Variants in CEP72 observed in about 807,000 individuals in gnomAD.
The protein encoded by CEP72 is centrosomal protein of 72 kDa.
A neutral mutation model predicts 65.7 loss-of-function variants in CEP72; 78 were observed. The ratio of observed to expected loss-of-function variants is 1.19; its 90% CI spans 0.99 to 1.43. The LOEUF (loss-of-function observed/expected upper bound fraction) is 1.43. CEP72 is among the 40% of genes most tolerant of loss of function. The pLI, the probability that CEP72 is intolerant of heterozygous loss-of-function variation, is 0.00. For synonymous variants in CEP72, 358 were observed against 351.7 expected (o/e 1.02, Z -0.20); for missense variants, 914 against 832.9 (o/e 1.10, Z -1.20).
At chr5:620,324 C>T (rs933575293) in intron 3 of CEP72, 63 bp downstream of exon 3, 63 of 1,400,732 alleles carry the variant, frequency 4.5e-5, no homozygotes, top group African/African-American at 2.8e-5. Context: ...GTCGGGGAGT[C>T]GTAGTGGGTG....
At chr5:655,891 T>G (rs1220961450), downstream of CEP72, among the ~76,000 whole-genome samples, 2 of 152,234 alleles carry the variant, frequency 1.3e-5, no homozygotes, top group African/African-American at 4.8e-5. The surrounding 1 kb of genome is among the most constrained non-coding windows in gnomAD (Gnocchi z 5.0). Flanking sequence ...TTCAATGGTG[T>G]CTTTTAAGAG....
chr5:619,053 C>G lies in CEP72; in HGVS notation c.146C>G (p.Ser49Cys), dbSNP rs1736200579. 1.2e-6 allele frequency: 2 copies of G among 1,613,438 alleles called. No individual in the cohort carries two copies. The highest frequency in any genetic ancestry group is 1.7e-6 in the Non-Finnish European group (2 of 1,179,326). Residue 49 changes from serine to cysteine, a missense_variant, in exon 2 of 12, where the codon TCT becomes TGT. By Grantham distance (112) the Ser-to-Cys change is moderately radical. Coordinates refer to ENST00000264935, the MANE Select transcript of CEP72 (RefSeq NM_018140.4). ...YQEKITHLGH[S>C]LMSLTGLKSL... The stretch of plus-strand genomic sequence containing the variant: ...GAGAAGATCACCCACCTGGGACATT[C>G]TCTGATGAGTTTAACAGGTCTGAAA...
the CEP72 span, chr5:675,984 C>CG: frequency 6.6e-6 from 1 of 152,088 alleles, no homozygotes; most frequent in Non-Finnish European, 1.5e-5. Context: ...AGCTCGCACC[C>CG]GGGGCCCTGG....
At chr5:643,796 C>T (rs1009087444) in intron 9 of CEP72, 73 of 285,626 alleles carry the variant, frequency 2.6e-4, no homozygotes, top group African/African-American at 1.6e-3. Context: ...GGCCCTTTCC[C>T]CTCCTCGATG....
chr5:665,141 G>C, intron 2 of CEP72: 1 of 1,612,946 alleles, frequency 6.2e-7, no homozygotes, highest in Non-Finnish European at 8.5e-7. Flanking sequence ...AGGTGCCTGC[G>C]TGCTTGTAGC....
chr5:671,562 G>A (rs762221564), downstream of CEP72, among the ~76,000 whole-genome samples: 21 of 152,230 alleles, frequency 1.4e-4, no homozygotes, highest in Non-Finnish European at 5.9e-5. Context: ...CTGGCCAAGC[G>A]CAGGAGACGG....
chr5:668,350 CGGA>C (rs1561082126), downstream of CEP72, among the ~76,000 whole-genome samples: 55 of 109,222 alleles, frequency 5.0e-4, 6 homozygotes, highest in African/African-American at 2.1e-3. Context: ...CAGGGAAGTG[CGGA>C]CAAGCACACT....
At chr5:668,769 A>C (rs1008577532), downstream of CEP72, among the ~76,000 whole-genome samples, 15 of 152,220 alleles carry the variant, frequency 9.9e-5, no homozygotes, top group African/African-American at 3.1e-4. Context: ...ACCAAACCCC[A>C]AACAATCCAG....
intron 9 of CEP72, chr5:643,461 G>A (rs559151708): frequency 4.0e-5 from 39 of 985,324 alleles, no homozygotes; most frequent in African/African-American, 7.0e-5. Flanking sequence ...CACCATGGGC[G>A]TCGGGGGCCT....
chr5:640,492 C>A lies in CEP72; in HGVS notation c.1427C>A (p.Ser476Tyr). 6.2e-7 allele frequency: 1 copy of A among 1,614,152 alleles called. No homozygotes were observed. The highest frequency in any genetic ancestry group is 2.2e-5 in the East Asian group (1 of 44,870). ...GCGATGGTGGGTGAAGATGTCGGCTCCCTGGCTCTGGAGAGTAAGTCCCTG... is the reference window on the plus strand; with the variant it reads ...GCGATGGTGGGTGAAGATGTCGGCTACCTGGCTCTGGAGAGTAAGTCCCTG... ...SSAMVGEDVG[S>Y]LALESKSLQS... is the part of the protein sequence containing the mutation. Residue 476 changes from serine (S) to tyrosine (Y), a missense_variant, in exon 9 of 12, where the codon TCC becomes TAC. Transcript: ENST00000264935.
chr5:620,273 G>A lies in CEP72; in HGVS notation c.403+12G>A. On this transcript the variant is annotated intron_variant, in intron 3 of 11. Transcript: ENST00000264935. Reference sequence around the variant, plus strand: ...GCTCCAGCAGCTGGGTAGGCATCAGGCAGGGCCACGCTCATGCTTTTGTCC... The same window carrying A: ...GCTCCAGCAGCTGGGTAGGCATCAGACAGGGCCACGCTCATGCTTTTGTCC... 6.2e-7 allele frequency: 1 copy of A among 1,608,508 alleles called. No homozygotes were observed. The highest frequency in any genetic ancestry group is 8.5e-7 in the Non-Finnish European group (1 of 1,175,152).
chr5:636,483 G>A (rs962231249), intron 6 of CEP72, among the ~76,000 whole-genome samples: 1 of 152,194 alleles, frequency 6.6e-6, no homozygotes, highest in Non-Finnish European at 1.5e-5. Flanking sequence ...ACCATGTGAT[G>A]GCCACCTATG....
intron 9 of CEP72, chr5:641,814 T>TC (rs1288311437): frequency 1.0e-6 from 1 of 982,072 alleles, no homozygotes; most frequent in South Asian, 4.7e-5. Context: ...GCACACGTGG[T>TC]CCCCGGTCCA....
At chr5:619,913 A>G (rs1736272325) in intron 2 of CEP72, among the ~76,000 whole-genome samples, 156 bp from the exon 3 acceptor site, 1 of 150,834 alleles carries the variant, frequency 6.6e-6, no homozygotes, top group Non-Finnish European at 1.5e-5. Context: ...AACTTCACAG[A>G]TGAGAACGTT....
At chr5:618,623 T>G (rs544329971) in intron 1 of CEP72, among the ~76,000 whole-genome samples, 11 of 151,762 alleles carry the variant, frequency 7.2e-5, no homozygotes, top group African/African-American at 2.4e-4. Flanking sequence ...GTTTATAGCC[T>G]AGGGTCAGGG....
chr5:663,933 G>C (rs957978583), intron 2 of CEP72: 1 of 152,576 alleles, frequency 6.6e-6, no homozygotes, highest in African/African-American at 2.4e-5. Context: ...CAGGAGCGCC[G>C]GCTTCTCCCC....
At chr5:650,358 A>T (rs866459478) in intron 11 of CEP72, among the ~76,000 whole-genome samples, 2 of 104,944 alleles carry the variant, frequency 1.9e-5, no homozygotes, top group East Asian at 3.8e-4. Context: ...GTGGACTGTG[A>T]GGTGTGACTG....
rs1736642375 is a variant in CEP72 at position 624,835 on chromosome 5, A to G, written c.512+256A>G. On this transcript the variant is annotated intron_variant, in intron 4 of 11. Coordinates refer to ENST00000264935, the MANE Select transcript of CEP72 (RefSeq NM_018140.4). The surrounding 1 kb of genome is among the most constrained non-coding windows in gnomAD (Gnocchi z 4.7). ...AATATGTGTAAAATCAACTCAGCAA[A>G]GGGCTTGTCCTGTCCCTTTCCCGGG... 6.6e-6 allele frequency among the ~76,000 whole-genome samples: 1 copy of G among 152,158 alleles called. No individual in the cohort carries two copies. Among genetic ancestry groups the G allele is most frequent in the South Asian group, 2.1e-4 (1 of 4,834 alleles).
At chr5:655,899 G>T (rs1373513690), downstream of CEP72, among the ~76,000 whole-genome samples, 1 of 152,120 alleles carries the variant, frequency 6.6e-6, no homozygotes, top group Non-Finnish European at 1.5e-5. The surrounding 1 kb of genome is among the most constrained non-coding windows in gnomAD (Gnocchi z 5.0). Context: ...TGTCTTTTAA[G>T]AGAAATTTTA....
Sources: allele counts gnomAD v4.1 joint callset (sites outside exome capture counted in the v4.1 genomes callset), GRCh38; gene constraint gnomAD v4.1.1; non-coding constraint Gnocchi (gnomAD v3.1); transcripts MANE v1.5; gene names NCBI Gene and HGNC (gene_info 2026-07-23, HGNC 2026-07-21).